PAG1: variants seen among roughly 807,000 people sequenced by gnomAD.
PAG1 encodes the protein phosphoprotein membrane anchor with glycosphingolipid microdomains 1, also known as phosphoprotein associated with glycosphingolipid-enriched microdomains 1.
In PAG1, 23 loss-of-function variants were observed where a neutral mutation model predicts 31.7. That is an observed-to-expected ratio of 0.73 (90% CI 0.52 to 1.03). The LOEUF (loss-of-function observed/expected upper bound fraction) is 1.03, where lower values mean the gene tolerates loss of function less well. Ranked by LOEUF, PAG1 falls within the 50% of genes least tolerant of loss-of-function variation. The probability of loss-of-function intolerance (pLI) is 0.00; values close to 1 mark genes in which losing one functional copy is unlikely to be tolerated. For missense variants in PAG1, 473 were observed against 540.7 expected, an observed-to-expected ratio of 0.87 and a Z score of 1.24; for synonymous variants, 214 against 210.3, an observed-to-expected ratio of 1.02 and a Z score of -0.15.
At chr8:81,065,678 TC>T (rs149951393) in intron 2 of PAG1, among the ~76,000 whole-genome samples, 7,326 of 152,060 alleles carry the variant, frequency 0.048, 642 homozygotes, top group African/African-American at 0.17. Context: ...GGGAAAAAAA[TC>T]AGTTAATGTT....
At chr8:81,037,500 G>T (rs1333406433) in intron 2 of PAG1, among the ~76,000 whole-genome samples, 2 of 152,144 alleles carry the variant, frequency 1.3e-5, no homozygotes, top group South Asian at 2.1e-4. Flanking sequence ...AACAGGAAAA[G>T]AAATCTTTCT....
At chr8:81,037,142 G>A (rs1429191742) in intron 2 of PAG1, 2 of 152,144 alleles carry the variant, frequency 1.3e-5, no homozygotes, top group African/African-American at 4.8e-5. Context: ...CTCTTCAGTG[G>A]TGTGGTTTAA....
intron 2 of PAG1, among the ~76,000 whole-genome samples, chr8:81,057,680 C>T (rs370522877): frequency 5.9e-5 from 9 of 152,086 alleles, no homozygotes; most frequent in Non-Finnish European, 5.9e-5. Context: ...CAAACCTGCA[C>T]GTTGTGCACA....
intron 1 of PAG1, among the ~76,000 whole-genome samples, chr8:81,075,020 C>G (rs1384927952): frequency 6.6e-6 from 1 of 152,182 alleles, no homozygotes; most frequent in African/African-American, 2.4e-5. Flanking sequence ...TGCTGGTTAG[C>G]CTTCCCTCAC....
rs1476247278 is a variant in PAG1 at position 80,985,314 on chromosome 8, G to A, written c.338C>T (p.Ser113Leu). The A allele has an allele frequency of 7.4e-6, 12 of 1,614,000 alleles. No individual in the cohort carries two copies. Among genetic ancestry groups the A allele is most frequent in the Middle Eastern group, 1.6e-4 (1 of 6,084 alleles). ...QHYEEVQTSA[S>L]DLLDSQDSTG... The stretch of plus-strand genomic sequence containing the variant: ...GCTGTCCTGGGAATCCAGCAGATCC[G>A]AGGCCGATGTCTGGACTTCCTCGTA... Residue 113 changes from serine to leucine, a missense_variant, in exon 7 of 9, where the codon TCG (serine) becomes TTG (leucine). By Grantham distance (145) the Ser-to-Leu change is moderately radical. Coordinates refer to ENST00000220597, the MANE Select transcript of PAG1 (RefSeq NM_018440.4).
intron 2 of PAG1, among the ~76,000 whole-genome samples, chr8:81,048,942 A>G (rs1586187666): frequency 6.6e-6 from 1 of 152,358 alleles, no homozygotes; most frequent in Non-Finnish European, 1.5e-5. Context: ...GGACATACAG[A>G]GAAAATAAAG....
chr8:81,103,233 A>G (rs1174517995), intron 1 of PAG1, among the ~76,000 whole-genome samples: 1 of 152,108 alleles, frequency 6.6e-6, no homozygotes, highest in African/African-American at 2.4e-5. Context: ...TGGCCCATCA[A>G]ATATAGAAAT....
chr8:81,027,655 C>T (rs1229631662), intron 3 of PAG1, among the ~76,000 whole-genome samples: 2 of 152,096 alleles, frequency 1.3e-5, no homozygotes, highest in Non-Finnish European at 2.9e-5. Context: ...CCTGTAATCC[C>T]AGCACTTTGG....
rs529998708 is a variant in PAG1 at position 81,111,878 on chromosome 8, C to G, written c.-521G>C. ...CAGCCCCGGAGCGCGGCGCTCCGAG[C>G]CCCTGGTGGGTGTCTCTGGCTCCAA... is the stretch of plus-strand genomic sequence containing the variant. On this transcript the variant is annotated 5_prime_UTR_variant, in exon 1 of 9. Transcript: ENST00000220597. 2 of 152,256 alleles carry G rather than the reference C, an allele frequency of 1.3e-5. No individual in the cohort carries two copies. Among genetic ancestry groups the G allele is most frequent in the Non-Finnish European group, 2.9e-5 (2 of 68,078 alleles). 9.4% of individuals were successfully genotyped at this position (152,256 alleles called of 1,614,324 possible). A position where few individuals can be genotyped will look rare whatever the true frequency, so the allele number is the denominator to read the frequency against.
intron 3 of PAG1, among the ~76,000 whole-genome samples, chr8:81,015,082 A>G (rs1288058202): frequency 1.3e-5 from 2 of 152,186 alleles, no homozygotes; most frequent in African/African-American, 2.4e-5. Context: ...TTTATTTCAA[A>G]GAGTATAGGT....
intron 1 of PAG1, among the ~76,000 whole-genome samples, chr8:81,091,852 A>C (rs1586214624): frequency 6.6e-6 from 1 of 152,042 alleles, no homozygotes; most frequent in East Asian, 1.9e-4. Context: ...AGAAAAAAAA[A>C]CACCCTGTCC....
At chr8:81,037,879 C>T (rs567081870) in intron 2 of PAG1, among the ~76,000 whole-genome samples, 1 of 152,312 alleles carries the variant, frequency 6.6e-6, no homozygotes, top group Non-Finnish European at 1.5e-5. Flanking sequence ...CCACTCTGCA[C>T]ATTTAGGAAC....
intron 2 of PAG1, among the ~76,000 whole-genome samples, chr8:81,055,086 T>C (rs1191247347): frequency 6.6e-6 from 1 of 151,540 alleles, no homozygotes; most frequent in African/African-American, 2.4e-5. Context: ...TTTTTTTTTT[T>C]TTTTGTTGAC....
chr8:81,066,599 T>C (rs898763779), intron 2 of PAG1, among the ~76,000 whole-genome samples: 8 of 152,180 alleles, frequency 5.3e-5, no homozygotes, highest in Non-Finnish European at 1.2e-4. Context: ...AACCATACTT[T>C]TTGCTTCCTA....
At chr8:81,092,663 T>C (rs1809467496) in intron 1 of PAG1, among the ~76,000 whole-genome samples, 1 of 152,206 alleles carries the variant, frequency 6.6e-6, no homozygotes, top group African/African-American at 2.4e-5. Flanking sequence ...TAAAATTAAG[T>C]TCTTCATTGA....
intron 2 of PAG1, among the ~76,000 whole-genome samples, chr8:81,047,594 A>T (rs1210954680): frequency 6.6e-6 from 1 of 152,198 alleles, no homozygotes; most frequent in Non-Finnish European, 1.5e-5. Flanking sequence ...TCTGGGCATG[A>T]CCTGGTAAGC....
At chr8:81,094,574 A>C (rs1445373689) in intron 1 of PAG1, among the ~76,000 whole-genome samples, 1 of 152,186 alleles carries the variant, frequency 6.6e-6, no homozygotes, top group Non-Finnish European at 1.5e-5. Context: ...TATGGGAAAA[A>C]GAGGCCCAGA....
At position 80,971,929 on chromosome 8, in the gene PAG1, G is replaced by C. The variant is rs1045574400; in HGVS notation, c.*4615C>G. The stretch of plus-strand genomic sequence containing the variant: ...CAGATAAAGATTCTAATTTATCATG[G>C]TTTCTGGACTGATCTCTTTAAGTTA... On this transcript the variant is annotated 3_prime_UTR_variant, in exon 9 of 9. Coordinates refer to ENST00000220597, the MANE Select transcript of PAG1 (RefSeq NM_018440.4). 1 of 152,160 alleles carries C rather than the reference G, an allele frequency of 6.6e-6. No homozygotes were observed. The highest frequency in any genetic ancestry group is 1.5e-5 in the Non-Finnish European group (1 of 68,026). The allele number at this position is 152,160 out of a possible 1,614,324, so 9.4% of individuals were successfully genotyped here. A position where few individuals can be genotyped will look rare whatever the true frequency, so the allele number is the denominator to read the frequency against.
chr8:81,026,360 C>CA (rs60612690), intron 3 of PAG1, among the ~76,000 whole-genome samples: 1 of 150,722 alleles, frequency 6.6e-6, no homozygotes, highest in Non-Finnish European at 1.5e-5. Context: ...AAAAACAAAA[C>CA]AAAAAAACCC....
Sources: allele counts gnomAD v4.1 joint callset (sites outside exome capture counted in the v4.1 genomes callset), GRCh38; gene constraint gnomAD v4.1.1; transcripts MANE v1.5; gene names NCBI Gene and HGNC (gene_info 2026-07-23, HGNC 2026-07-21).